MYO18B: variants seen among roughly 807,000 people sequenced by gnomAD.
MYO18B encodes the protein myosin XVIIIB.
A neutral mutation model predicts 273.0 loss-of-function variants in MYO18B; 204 were observed. That is an observed-to-expected ratio of 0.75 (90% confidence interval 0.67 to 0.84). MYO18B has a LOEUF of 0.84. MYO18B is among the 40% of genes least tolerant of loss of function. The pLI, the probability that MYO18B is intolerant of heterozygous loss-of-function variation, is 0.00. For synonymous variants in MYO18B, 1,330 were observed against 1,305.7 expected (o/e 1.02, Z -0.40); for missense variants, 3,212 against 3,287.6 (o/e 0.98, Z 0.56).
At chr22:25,927,132 G>C (rs1427207417) in intron 34 of MYO18B, among the ~76,000 whole-genome samples, 1 of 152,214 alleles carries the variant, frequency 6.6e-6, no homozygotes, top group South Asian at 2.1e-4. Context: ...GTGTGCTTGA[G>C]CAATATGAAA....
At chr22:25,797,112 A>C (rs776472912) in intron 11 of MYO18B, among the ~76,000 whole-genome samples, 1 of 152,216 alleles carries the variant, frequency 6.6e-6, no homozygotes, top group Admixed American at 6.5e-5. Context: ...CTGTAAGCCC[A>C]GCTACTCAGG....
intron 11 of MYO18B, among the ~76,000 whole-genome samples, chr22:25,791,728 C>A (rs1185181742): frequency 2.6e-5 from 4 of 152,150 alleles, no homozygotes; most frequent in South Asian, 2.1e-4. Flanking sequence ...TTTTTTATGA[C>A]CCAGTTGTCA....
intron 34 of MYO18B, among the ~76,000 whole-genome samples, chr22:25,944,486 T>TA (rs1239759943): frequency 6.6e-6 from 1 of 152,158 alleles, no homozygotes; most frequent in Non-Finnish European, 1.5e-5. Context: ...CAACGGGACT[T>TA]ACTGTAGACC....
Position 25,992,346 on chromosome 22 carries a change from G to C in MYO18B, c.6157-17G>C, listed in dbSNP as rs150657618. ...TCTTGCCCAAGGCCAACGTGTGTTT[G>C]CATCTTCTGTCCCCAGGAGAAGTAC... is the stretch of plus-strand genomic sequence containing the variant. On this transcript the variant is annotated splice_polypyrimidine_tract_variant and intron_variant, in intron 39 of 43. Coordinates refer to ENST00000335473, the MANE Select transcript of MYO18B (RefSeq NM_032608.7). 4.0e-4 allele frequency: 641 copies of C among 1,612,860 alleles called. 2 individuals carry two copies. In the African/African-American group the frequency reaches 7.5e-3, roughly 19 times the overall value.
intron 1 of MYO18B, among the ~76,000 whole-genome samples, chr22:25,742,613 T>C (rs1380528102): frequency 6.6e-6 from 1 of 152,166 alleles, no homozygotes; most frequent in Non-Finnish European, 1.5e-5. Flanking sequence ...TGAGTTAATC[T>C]CCACTGTGAA....
rs2091530368 is a variant in MYO18B, at chr22:25,887,329, G to A, written c.4315-3427G>A. On this transcript the variant is annotated intron_variant, in intron 25 of 43. Transcript: ENST00000335473. ...GTGTGTCCTCCAGCATTTAACATCC[G>A]TGAAATCCCAGTTACTCACTGCTCG... 2.6e-5 allele frequency among the ~76,000 whole-genome samples: 4 copies of A among 152,156 alleles called. No homozygotes were observed. The South Asian group carries it at 8.3e-4, about 31-fold the overall frequency.
chr22:25,916,347 T>C (rs995006381), intron 33 of MYO18B, among the ~76,000 whole-genome samples: 1 of 152,168 alleles, frequency 6.6e-6, no homozygotes, highest in African/African-American at 2.4e-5. Flanking sequence ...TGTTTCTTTT[T>C]CCTTCTTTTT....
At position 25,770,098 on chromosome 22, in the gene MYO18B, G is replaced by A; in HGVS notation, c.1513-12G>A. 2 of 1,613,834 alleles carry A rather than the reference G, an allele frequency of 1.2e-6. No individual in the cohort carries two copies. Among genetic ancestry groups the A allele is most frequent in the Non-Finnish European group, 1.7e-6 (2 of 1,179,784 alleles). On this transcript the variant is annotated splice_polypyrimidine_tract_variant and intron_variant, in intron 4 of 43. Transcript: ENST00000335473. ...CATTTGCTGGTTTAATTTACGTGAT[G>A]TTGGTTCTCAGGCTCCTGAGGACAG...
chr22:25,760,411 C>CAA (rs60732274), intron 1 of MYO18B, among the ~76,000 whole-genome samples: 27 of 61,048 alleles, frequency 4.4e-4, no homozygotes, highest in Admixed American at 7.2e-4. Context: ...GACTCCATCT[C>CAA]AAAAAAAAAA....
At position 25,759,553 on chromosome 22, in the gene MYO18B, A is replaced by T. The variant is rs866974630; in HGVS notation, c.-109-1431A>T. Among the ~76,000 whole-genome samples, 192 of 152,312 alleles carry T rather than the reference A, an allele frequency of 1.3e-3. 1 individual carries two copies. Among genetic ancestry groups the T allele is most frequent in the African/African-American group, 4.5e-3 (185 of 41,560 alleles). On this transcript the variant is annotated intron_variant, in intron 1 of 43. Transcript: ENST00000335473. ...GGACTAGGGGAGGGAGAGCATTAGGAGAAATACCTAATGTAGATGATGGGT... is the reference window on the plus strand; with the variant it reads ...GGACTAGGGGAGGGAGAGCATTAGGTGAAATACCTAATGTAGATGATGGGT...
chr22:25,977,505 A>G (rs2093103903), intron 39 of MYO18B, among the ~76,000 whole-genome samples: 2 of 152,158 alleles, frequency 1.3e-5, no homozygotes. Flanking sequence ...GTGACCTGAC[A>G]GTGAGGAAGT....
At position 25,769,350 on chromosome 22, in the gene MYO18B, T is replaced by A; in HGVS notation, c.1434T>A (p.Pro478=). The A allele has an allele frequency of 1.3e-6, 2 of 1,576,942 alleles. No individual in the cohort carries two copies. Among genetic ancestry groups the A allele is most frequent in the Non-Finnish European group, 1.7e-6 (2 of 1,161,890 alleles). ...QPALEKDAER[P]RIRKENQDGP... ...CTCTGGAGAAGGATGCAGAAAGGCC[T>A]CGGATACGGAAGGAGAACCAAGACG... The change falls in exon 4 of 44, where the codon CCT becomes CCA. Residue 478 remains proline (P), a synonymous_variant. Coordinates refer to ENST00000335473, the MANE Select transcript of MYO18B (RefSeq NM_032608.7).
At chr22:25,825,510 G>A (rs1407398474) in intron 13 of MYO18B, among the ~76,000 whole-genome samples, 2 of 152,312 alleles carry the variant, frequency 1.3e-5, no homozygotes, top group East Asian at 3.9e-4. Context: ...CAAGGCTGGT[G>A]ATTTTAATGG....
intron 39 of MYO18B, among the ~76,000 whole-genome samples, chr22:25,991,896 G>A (rs867932227): frequency 1.3e-4 from 18 of 134,366 alleles, no homozygotes; most frequent in African/African-American, 5.3e-4. Context: ...CAAGGTGGGG[G>A]TGTTTAGGGG....
chr22:25,836,458 A>C (rs1011893908), intron 17 of MYO18B, among the ~76,000 whole-genome samples: 1 of 152,132 alleles, frequency 6.6e-6, no homozygotes, highest in Admixed American at 6.5e-5. Flanking sequence ...TGTTGCATGT[A>C]CTGCACTCAG....
chr22:25,825,910 G>T (rs1601812917), intron 13 of MYO18B, among the ~76,000 whole-genome samples: 1 of 152,286 alleles, frequency 6.6e-6, no homozygotes, highest in African/African-American at 2.4e-5. Flanking sequence ...TCCAGAAAAA[G>T]GGAATCATAA....
Position 25,761,017 on chromosome 22 carries a change from T to C in MYO18B, c.-76T>C. ...CCATCTCATGTGCTGCGTGTGTCTG[T>C]AAAGCCTCATTCCGTGCTGTCTGGC... On this transcript the variant is annotated 5_prime_UTR_variant, in exon 2 of 44. It removes the in-frame stop codon of an upstream open reading frame in the 5' UTR. Coordinates refer to ENST00000335473, the MANE Select transcript of MYO18B (RefSeq NM_032608.7). The C allele has an allele frequency of 6.6e-7, 1 of 1,518,890 alleles. No individual in the cohort carries two copies. The highest frequency in any genetic ancestry group is 9.1e-7 in the Non-Finnish European group (1 of 1,096,666). 94.1% of individuals were successfully genotyped at this position (1,518,890 alleles called of 1,614,324 possible).
chr22:25,793,903 G>T (rs5761190), intron 11 of MYO18B, among the ~76,000 whole-genome samples: 111,899 of 151,680 alleles, frequency 0.74, 41,379 homozygotes, highest in East Asian at 0.86. Flanking sequence ...TGTACAACTC[G>T]ATGTTTATAT....
chr22:26,036,095 C>T, the MYO18B span, among the ~76,000 whole-genome samples: 3 of 152,154 alleles, frequency 2.0e-5, no homozygotes, highest in East Asian at 5.8e-4. Context: ...ACTGTTGTTG[C>T]AGCTAGAAGA....
Sources: allele counts gnomAD v4.1 joint callset (sites outside exome capture counted in the v4.1 genomes callset), GRCh38; gene constraint gnomAD v4.1.1; transcripts MANE v1.5; gene names NCBI Gene and HGNC (gene_info 2026-07-23, HGNC 2026-07-21).